MOCOS: variants seen among roughly 807,000 people sequenced by gnomAD.
The protein encoded by MOCOS is molybdenum cofactor sulfurase.
In MOCOS, 86 loss-of-function variants were observed where a neutral mutation model predicts 83.6. The ratio of observed to expected loss-of-function variants is 1.03; its 90% confidence interval spans 0.86 to 1.23. The LOEUF is 1.23. Among genes scored for constraint, MOCOS ranks in the 50% most tolerant of loss-of-function variants. The pLI is 0.00. For missense variants in MOCOS, 1,120 were observed against 1,126.9 expected (o/e 0.99, Z 0.09); for synonymous variants, 445 against 434.7 (o/e 1.02, Z -0.29).
intron 9 of MOCOS, among the ~76,000 whole-genome samples, chr18:36,246,075 G>C (rs1324061847): frequency 6.6e-6 from 1 of 151,554 alleles, no homozygotes; most frequent in African/African-American, 2.4e-5. Context: ...CTTTTCTCTG[G>C]TGCCTCCTTA....
intron 11 of MOCOS, among the ~76,000 whole-genome samples, chr18:36,256,647 ACC>A (rs1306039993): frequency 6.6e-6 from 1 of 150,826 alleles, no homozygotes; most frequent in Non-Finnish European, 1.5e-5. Flanking sequence ...ACAGGGTTTC[ACC>A]ATGTTGGTCA....
In MOCOS at chr18:36,237,624, T is replaced by G. The variant is rs1158149956; in HGVS notation, c.1961-11298T>G. 7.2e-4 allele frequency among the ~76,000 whole-genome samples: 109 copies of G among 152,282 alleles called. 1 individual carries two copies. Among genetic ancestry groups the G allele is most frequent in the Admixed American group, 1.8e-3 (28 of 15,300 alleles). ...TGGTTGTGTCTCTGCCTGGCTTTGG[T>G]ATCAGAATGATGCTGGCCTCATAAA... On this transcript the variant is annotated intron_variant, in intron 9 of 14. Coordinates refer to ENST00000261326, the MANE Select transcript of MOCOS (RefSeq NM_017947.4).
Position 36,187,546 on chromosome 18 carries a change from G to C in MOCOS, c.7G>C (p.Gly3Arg), listed in dbSNP as rs576409195. The C allele has an allele frequency of 8.0e-5, 99 of 1,237,482 alleles. No homozygotes were observed. The highest frequency in any genetic ancestry group is 2.4e-4 in the South Asian group (6 of 25,296). The allele number at this position is 1,237,482 out of a possible 1,614,324, so 76.7% of individuals were successfully genotyped here. A position where few individuals can be genotyped will look rare whatever the true frequency, so the allele number is the denominator to read the frequency against. Reference protein sequence around the residue: MAGAAAESGRELW... With the variant: MARAAAESGRELW... ...GGATGGACTAGCCGGGGCCATGGCC[G>C]GCGCGGCGGCGGAGTCAGGGCGGGA... Residue 3 changes from glycine (G) to arginine (R), a missense_variant, in exon 1 of 15, where the codon GGC (glycine) becomes CGC (arginine). Transcript: ENST00000261326.
intron 9 of MOCOS, among the ~76,000 whole-genome samples, chr18:36,242,251 G>T (rs771261589): frequency 1.3e-5 from 2 of 152,098 alleles, no homozygotes; most frequent in African/African-American, 2.4e-5. Context: ...GATCTCTAGG[G>T]CAGGGGCAAA....
chr18:36,254,039 G>A (rs940726694), intron 11 of MOCOS, among the ~76,000 whole-genome samples: 1 of 152,198 alleles, frequency 6.6e-6, no homozygotes, highest in African/African-American at 2.4e-5. Context: ...GTGGAACAAA[G>A]GTGGTAGGTG....
In MOCOS at chr18:36,187,553, C is replaced by T. The variant is rs1262805938; in HGVS notation, c.14C>T (p.Ala5Val). Residue 5 changes from alanine to valine, a missense_variant, in exon 1 of 15, where the codon GCG becomes GTG. By Grantham distance (64) the Ala-to-Val change is moderately conservative (BLOSUM62 0). Transcript: ENST00000261326. ...CTAGCCGGGGCCATGGCCGGCGCGG[C>T]GGCGGAGTCAGGGCGGGAGCTGTGG... MAGA[A>V]AESGRELWTF... is the part of the protein sequence containing the mutation. The T allele has an allele frequency of 9.7e-6, 12 of 1,239,052 alleles. No individual in the cohort carries two copies. In the South Asian group the frequency reaches 4.3e-4, roughly 45 times the overall value. The allele number at this position is 1,239,052 out of a possible 1,614,324, so 76.8% of individuals were successfully genotyped here.
At position 36,251,195 on chromosome 18, in the gene MOCOS, C is replaced by T. The variant is rs1410739035; in HGVS notation, c.2076C>T (p.Ser692=). The T allele has an allele frequency of 1.9e-6, 3 of 1,613,542 alleles. No individual in the cohort carries two copies. The African/African-American group carries it at 4.0e-5, about 22-fold the overall frequency. ...STYDCGEKIS[S]WLSTFFGRPC... is the part of the protein sequence containing the mutation. The stretch of plus-strand genomic sequence containing the variant: ...ATGATTGTGGAGAAAAAATTTCAAG[C>T]TGGTTGTCAACATTTTTTGGCCGTC... The change falls in exon 11 of 15, where the codon AGC becomes AGT. Residue 692 remains serine (S), a synonymous_variant. Transcript: ENST00000261326.
chr18:36,204,756 G>A (rs1185983915), intron 5 of MOCOS, among the ~76,000 whole-genome samples: 1 of 152,100 alleles, frequency 6.6e-6, no homozygotes, highest in Non-Finnish European at 1.5e-5. Flanking sequence ...ACTTTGGGAG[G>A]CTGAGGCAGG....
At chr18:36,203,966 C>G (rs2091424668) in intron 5 of MOCOS, among the ~76,000 whole-genome samples, 1 of 152,118 alleles carries the variant, frequency 6.6e-6, no homozygotes, top group South Asian at 2.1e-4. Context: ...TCTAACAGGT[C>G]CAGGTAGCTC....
At chr18:36,258,264 A>G (rs2091650114) in intron 12 of MOCOS, among the ~76,000 whole-genome samples, 1 of 152,196 alleles carries the variant, frequency 6.6e-6, no homozygotes, top group South Asian at 2.1e-4. Flanking sequence ...ATCCAAGAGC[A>G]GAGCTAGGGT....
intron 11 of MOCOS, among the ~76,000 whole-genome samples, chr18:36,252,140 C>T (rs1352617690): frequency 6.6e-6 from 1 of 152,078 alleles, no homozygotes; most frequent in Non-Finnish European, 1.5e-5. Context: ...CAATACATGG[C>T]TAGATGAATG....
chr18:36,206,020 G>A (rs1166478647), intron 6 of MOCOS, among the ~76,000 whole-genome samples: 2 of 152,076 alleles, frequency 1.3e-5, no homozygotes, highest in Non-Finnish European at 1.5e-5. Context: ...GATTATAGGT[G>A]TGAGCCACTG....
chr18:36,251,283 G>A lies in MOCOS; in HGVS notation c.2164G>A (p.Asp722Asn), dbSNP rs2091620884. 6.2e-7 allele frequency: 1 copy of A among 1,613,988 alleles called. No individual in the cohort carries two copies. Among genetic ancestry groups the A allele is most frequent in the East Asian group, 2.2e-5 (1 of 44,882 alleles). Residue 722 changes from aspartate (D) to asparagine (N), a missense_variant and splice_region_variant, in exon 11 of 15, where the codon GAT becomes AAT. Coordinates refer to ENST00000261326, the MANE Select transcript of MOCOS (RefSeq NM_017947.4). Reference protein sequence around the residue: ...QRNAKKKHGKDQLPGTMATLS... With the variant: ...QRNAKKKHGKNQLPGTMATLS... ...GAATGCAAAGAAGAAACATGGAAAAGGTATTACATTTTGAATTGGTTCGTA... is the reference window on the plus strand; with the variant it reads ...GAATGCAAAGAAGAAACATGGAAAAAGTATTACATTTTGAATTGGTTCGTA...
rs200262581 is a variant in MOCOS, at chr18:36,195,318, C to T, written c.204C>T (p.Phe68=). 22 of 1,614,138 alleles carry T rather than the reference C, an allele frequency of 1.4e-5. No individual in the cohort carries two copies. The highest frequency in any genetic ancestry group is 1.9e-5 in the Non-Finnish European group (22 of 1,179,986). ...TCTCCCAGAGCCAGCTCGAAAGCTTCACTAGTGATCTCATGGAAAACACTT... is the reference window on the plus strand; with the variant it reads ...TCTCCCAGAGCCAGCTCGAAAGCTTTACTAGTGATCTCATGGAAAACACTT... The part of the protein sequence containing the change: ...TLFSQSQLES[F]TSDLMENTYG... The change falls in exon 2 of 15, where the codon TTC becomes TTT. Residue 68 remains phenylalanine (F), a synonymous_variant. Transcript: ENST00000261326.
At chr18:36,253,880 A>G (rs1302442881) in intron 11 of MOCOS, among the ~76,000 whole-genome samples, 3 of 152,078 alleles carry the variant, frequency 2.0e-5, no homozygotes, top group African/African-American at 7.2e-5. Flanking sequence ...AACTCACTGG[A>G]GGATTCTAAG....
At chr18:36,213,580 C>T in intron 7 of MOCOS, 98 bp downstream of exon 7, 2 of 929,796 alleles carry the variant, frequency 2.2e-6, no homozygotes, top group Non-Finnish European at 3.5e-6. Flanking sequence ...GCTGCATACT[C>T]ATTTCTCCAC....
chr18:36,239,093 G>A (rs1157673032), intron 9 of MOCOS, among the ~76,000 whole-genome samples: 2 of 149,442 alleles, frequency 1.3e-5, no homozygotes, highest in Non-Finnish European at 3.0e-5. Flanking sequence ...TATCCAATTT[G>A]CCAGTCTGTG....
chr18:36,248,850 T>C, intron 9 of MOCOS, 72 bp from the exon 10 acceptor site: 1 of 1,247,028 alleles, frequency 8.0e-7, no homozygotes, highest in Non-Finnish European at 1.2e-6. Context: ...TACAGCTTTG[T>C]AGTATATTTT....
intron 9 of MOCOS, among the ~76,000 whole-genome samples, chr18:36,221,714 C>T (rs1028715174): frequency 2.8e-5 from 4 of 143,152 alleles, no homozygotes; most frequent in Non-Finnish European, 4.5e-5. Flanking sequence ...TAGAATAAGT[C>T]TTGATATCCC....
Sources: allele counts gnomAD v4.1 joint callset (sites outside exome capture counted in the v4.1 genomes callset), GRCh38; gene constraint gnomAD v4.1.1; transcripts MANE v1.5; gene names NCBI Gene and HGNC (gene_info 2026-07-23, HGNC 2026-07-21).